The following CTBP1 variants were observed in gnomAD, a reference collection of about 807,000 sequenced individuals.
CTBP1 encodes C-terminal-binding protein 1.
A neutral mutation model predicts 42.1 loss-of-function variants in CTBP1; 11 were observed. That is an observed-to-expected ratio of 0.26 (90% CI 0.16 to 0.43). The LOEUF (loss-of-function observed/expected upper bound fraction) is 0.43, where lower values mean the gene tolerates loss of function less well. Ranked by LOEUF, CTBP1 falls within the 20% of genes least tolerant of loss-of-function variation. The pLI is 1.00. For synonymous variants in CTBP1, 324 were observed against 277.1 expected, an observed-to-expected ratio of 1.17 and a Z score of -1.68; for missense variants, 399 against 624.3, an observed-to-expected ratio of 0.64 and a Z score of 3.85.
intron 5 of CTBP1, among the ~76,000 whole-genome samples, chr4:1,222,608 G>C (rs1729870881): frequency 6.6e-6 from 1 of 152,178 alleles, no homozygotes; most frequent in Admixed American, 6.5e-5. Flanking sequence ...CCTCAGGCCA[G>C]GCCTGGGCGG....
At chr4:1,245,018 G>A (rs1577081947) in intron 1 of CTBP1, 3 of 985,486 alleles carry the variant, frequency 3.0e-6, no homozygotes, top group South Asian at 4.7e-5. Flanking sequence ...ACAGCAGCAT[G>A]GAGCCACTGG....
intron 8 of CTBP1, 101 bp from the exon 9 acceptor site, chr4:1,213,131 GCTCCT>G (rs1374118777): frequency 9.6e-7 from 1 of 1,041,498 alleles, no homozygotes; most frequent in African/African-American, 1.6e-5. Flanking sequence ...TTGGCAGTGT[GCTCCT>G]CCCTCTCAGC....
At position 1,248,918 on chromosome 4, in the gene CTBP1, A is replaced by G; in HGVS notation, c.-191T>C. ...AACGCGCGCGCGCGCGGCCTTACCA[A>G]GCGGCAGGCCCTTGTTGAGCAAGTG... On this transcript the variant is annotated splice_region_variant and 5_prime_UTR_variant, in exon 1 of 10. Transcript: ENST00000382952. 2.0e-6 allele frequency: 2 copies of G among 991,476 alleles called. No homozygotes were observed. Among genetic ancestry groups the G allele is most frequent in the Non-Finnish European group, 2.4e-6 (2 of 832,282 alleles). 61.4% of individuals were successfully genotyped at this position (991,476 alleles called of 1,614,324 possible).
chr4:1,212,762 G>C (rs983986675), intron 9 of CTBP1, 151 bp downstream of exon 9: 39 of 689,602 alleles, frequency 5.7e-5, no homozygotes, highest in Non-Finnish European at 7.3e-6. Context: ...GTTCTCATGG[G>C]CCTTTCAGGT....
intron 1 of CTBP1, chr4:1,242,204 C>G: frequency 1.0e-6 from 1 of 985,406 alleles, no homozygotes; most frequent in Non-Finnish European, 1.2e-6. Flanking sequence ...GCAGGGGGCC[C>G]CTGAGAGGGC....
intron 1 of CTBP1, chr4:1,242,062 C>T (rs1280316775): frequency 1.0e-6 from 1 of 987,658 alleles, no homozygotes. Flanking sequence ...CCGGCTCCAC[C>T]TCCGACCCTC....
At chr4:1,232,639 T>C (rs941343064) in intron 3 of CTBP1, among the ~76,000 whole-genome samples, 1 of 152,218 alleles carries the variant, frequency 6.6e-6, no homozygotes, top group Non-Finnish European at 1.5e-5. Context: ...CTAATTGCCA[T>C]TTAATTAAAG....
intron 7 of CTBP1, 23 bp downstream of exon 7, chr4:1,214,320 G>C: frequency 6.5e-7 from 1 of 1,533,106 alleles, no homozygotes; most frequent in Non-Finnish European, 8.7e-7. Context: ...AGAGCAGGGG[G>C]GCGGCACTGG....
At chr4:1,245,806 C>G (rs1420543154) in intron 1 of CTBP1, among the ~76,000 whole-genome samples, 1 of 151,942 alleles carries the variant, frequency 6.6e-6, no homozygotes, top group African/African-American at 2.4e-5. Context: ...AACGGCGGTG[C>G]CAGGGGAGGG....
chr4:1,244,098 G>A (rs1732464535), intron 1 of CTBP1: 3 of 985,416 alleles, frequency 3.0e-6, no homozygotes, highest in African/African-American at 1.7e-5. Flanking sequence ...GTCCCGGGGG[G>A]CTGCACGGTG....
chr4:1,242,119 A>T (rs1014243962), intron 1 of CTBP1: 1 of 985,382 alleles, frequency 1.0e-6, no homozygotes, highest in Non-Finnish European at 1.2e-6. Context: ...AAAACTGCTC[A>T]GCTCTTCCTG....
chr4:1,224,410 GCTGTGTGAGGCTGTGTGTA>G (rs1233505354), intron 5 of CTBP1, among the ~76,000 whole-genome samples: 1 of 151,750 alleles, frequency 6.6e-6, no homozygotes, highest in Non-Finnish European at 1.5e-5. Flanking sequence ...ACCCATGTGT[GCTGTGTGAGGCTGTGTGTA>G]CTGTGACATC....
intron 1 of CTBP1, chr4:1,242,442 C>G (rs937958782): frequency 1.2e-5 from 12 of 985,330 alleles, no homozygotes; most frequent in African/African-American, 1.7e-5. Context: ...GAAGGGGCCA[C>G]TCAGCCAAGC....
intron 1 of CTBP1, chr4:1,242,364 A>G: frequency 2.0e-6 from 2 of 985,374 alleles, no homozygotes; most frequent in Non-Finnish European, 2.4e-6. Flanking sequence ...GCTGACCAGG[A>G]CAGGAGCCGG....
intron 2 of CTBP1, among the ~76,000 whole-genome samples, chr4:1,239,253 G>A (rs1292792739): frequency 6.6e-6 from 1 of 152,172 alleles, no homozygotes; most frequent in Non-Finnish European, 1.5e-5. Context: ...CCGCCCGACC[G>A]CCCCGTGCCA....
At chr4:1,242,724 T>C (rs554982403) in intron 1 of CTBP1, 243 of 985,180 alleles carry the variant, frequency 2.5e-4, no homozygotes, top group Non-Finnish European at 1.7e-4. Context: ...CACCTGCGCC[T>C]GAGCCCCCAT....
Position 1,225,693 on chromosome 4 carries a change from G to A in CTBP1, c.308-127C>T, listed in dbSNP as rs560545397. 9.8e-5 allele frequency: 100 copies of A among 1,020,618 alleles called. No homozygotes were observed. The African/African-American group carries it at 1.5e-3, about 16-fold the overall frequency. 63.2% of individuals were successfully genotyped at this position (1,020,618 alleles called of 1,614,324 possible). A position where few individuals can be genotyped will look rare whatever the true frequency, so the allele number is the denominator to read the frequency against. ...AGAAGCCAAAGGCCGTGTCCCCAAG[G>A]CCACCCCGGGAGGCCACGAGATGAA... On this transcript the variant is annotated intron_variant, in intron 4 of 9. Coordinates refer to ENST00000382952, the MANE Select transcript of CTBP1 (RefSeq NM_001012614.2).
intron 3 of CTBP1, chr4:1,237,927 C>T (rs934050906): frequency 1.4e-6 from 1 of 702,406 alleles, no homozygotes; most frequent in South Asian, 1.5e-5. Flanking sequence ...ACGTGGTGTC[C>T]ACCTCCTGAT....
intron 5 of CTBP1, among the ~76,000 whole-genome samples, chr4:1,223,718 G>A (rs374553460): frequency 7.3e-6 from 1 of 137,564 alleles, no homozygotes; most frequent in Non-Finnish European, 1.6e-5. Context: ...CCTGGGCCCC[G>A]CCCAGATGCT....
Sources: allele counts gnomAD v4.1 joint callset (sites outside exome capture counted in the v4.1 genomes callset), GRCh38; gene constraint gnomAD v4.1.1; transcripts MANE v1.5; gene names NCBI Gene and HGNC (gene_info 2026-07-23, HGNC 2026-07-21).